Variants in CEP63 observed in about 807,000 individuals in gnomAD.
CEP63 encodes centrosomal protein 63, also known as centrosomal protein of 63 kDa.
In CEP63, 84 loss-of-function variants were observed where a neutral mutation model predicts 89.1. That is an observed-to-expected ratio of 0.94 (90% CI 0.79 to 1.13). The LOEUF is 1.13. Ranked by LOEUF, CEP63 falls within the 50% of genes most tolerant of loss-of-function variation. The pLI is 0.00. For synonymous variants in CEP63, 267 were observed against 272.5 expected (o/e 0.98, Z 0.20); for missense variants, 838 against 813.3 (o/e 1.03, Z -0.37).
chr3:134,527,288 C>T (rs1256875111), intron 3 of CEP63, among the ~76,000 whole-genome samples: 4 of 152,074 alleles, frequency 2.6e-5, no homozygotes, highest in Non-Finnish European at 4.4e-5. Context: ...GGGGGCAGGG[C>T]GCTGGCAGTT....
intron 12 of CEP63, 76 bp downstream of exon 12, chr3:134,552,088 A>C (rs886973978): frequency 1.2e-6 from 1 of 801,808 alleles, no homozygotes; most frequent in African/African-American, 1.7e-5. Context: ...TTACATTATA[A>C]AGAGAGAATT....
At chr3:134,606,234 C>T in the CEP63 span, among the ~76,000 whole-genome samples, 3 of 152,140 alleles carry the variant, frequency 2.0e-5, no homozygotes, top group Admixed American at 2.0e-4. Flanking sequence ...GATTGTGGAG[C>T]ACCACCCAGC....
chr3:134,640,518 A>C, the CEP63 span, among the ~76,000 whole-genome samples: 45 of 152,224 alleles, frequency 3.0e-4, 1 homozygote, highest in African/African-American at 1.1e-3. Context: ...CCTCTGGTCA[A>C]CGCTATTACT....
chr3:134,592,608 C>T (rs892670930), downstream of CEP63, among the ~76,000 whole-genome samples: 1 of 151,076 alleles, frequency 6.6e-6, no homozygotes, highest in Non-Finnish European at 1.5e-5. Context: ...ACCTGTAGGC[C>T]TTTTTTCTTA....
At chr3:134,683,539 A>G in the CEP63 span, among the ~76,000 whole-genome samples, 2 of 152,208 alleles carry the variant, frequency 1.3e-5, no homozygotes, top group African/African-American at 4.8e-5. Flanking sequence ...TGTTATCAAC[A>G]TAAACTCCAT....
At position 134,562,127 on chromosome 3, in the gene CEP63, G is replaced by C. The variant is rs971269482; in HGVS notation, c.*592G>C. 6 of 988,408 alleles carry C rather than the reference G, an allele frequency of 6.1e-6. No homozygotes were observed. The highest frequency in any genetic ancestry group is 7.2e-6 in the Non-Finnish European group (6 of 831,920). The allele number at this position is 988,408 out of a possible 1,614,324, so 61.2% of individuals were successfully genotyped here. On this transcript the variant is annotated 3_prime_UTR_variant, in exon 15 of 15. Coordinates refer to ENST00000675561, the MANE Select transcript of CEP63 (RefSeq NM_001353108.3). The stretch of plus-strand genomic sequence containing the variant: ...TCTTGCTCAACACTCATGCAGAGGA[G>C]AGAGGCAGGGAGGGCAAGGGACTGG...
chr3:134,689,234 C>T, the CEP63 span, among the ~76,000 whole-genome samples: 3 of 151,502 alleles, frequency 2.0e-5, no homozygotes, highest in South Asian at 6.2e-4. Flanking sequence ...TTTTCTGTGC[C>T]ATAGCCAAAA....
At chr3:134,693,563 G>T in the CEP63 span, among the ~76,000 whole-genome samples, 1 of 152,210 alleles carries the variant, frequency 6.6e-6, no homozygotes, top group Non-Finnish European at 1.5e-5. Flanking sequence ...TGGATAGAAA[G>T]ATTCTTTATA....
the CEP63 span, among the ~76,000 whole-genome samples, chr3:134,670,332 A>G: frequency 6.6e-6 from 1 of 152,192 alleles, no homozygotes; most frequent in East Asian, 1.9e-4. Flanking sequence ...ATTTTGTTAA[A>G]AAAAGAGTTG....
intron 5 of CEP63, chr3:134,536,022 A>G (rs961936704): frequency 6.6e-6 from 1 of 152,100 alleles, no homozygotes; most frequent in African/African-American, 2.4e-5. Context: ...TCACCCTTAA[A>G]CACACCAGGA....
At chr3:134,623,720 G>A in the CEP63 span, among the ~76,000 whole-genome samples, 1 of 152,092 alleles carries the variant, frequency 6.6e-6, no homozygotes, top group African/African-American at 2.4e-5. Flanking sequence ...TGCCCCTCTG[G>A]AGGTAAGGTG....
chr3:134,711,140 C>T, the CEP63 span, among the ~76,000 whole-genome samples: 1 of 152,166 alleles, frequency 6.6e-6, no homozygotes, highest in African/African-American at 2.4e-5. Context: ...AATAAATATT[C>T]AGTATTTACG....
the CEP63 span, among the ~76,000 whole-genome samples, chr3:134,672,673 C>T: frequency 6.6e-6 from 1 of 152,332 alleles, no homozygotes; most frequent in South Asian, 2.1e-4. Context: ...CAATCTCTCC[C>T]TTGCCTTCTC....
Position 134,561,922 on chromosome 3 carries a change from C to T in CEP63, c.*387C>T. 2.8e-6 allele frequency: 3 copies of T among 1,055,096 alleles called. No homozygotes were observed. Among genetic ancestry groups the T allele is most frequent in the South Asian group, 3.0e-5 (1 of 33,510 alleles). The allele number at this position is 1,055,096 out of a possible 1,614,324, so 65.4% of individuals were successfully genotyped here. ...TTTCTTTAGGGGAAATGTGTAGAAG[C>T]ATGGATTTAGGGGTCAAACATACCT... On this transcript the variant is annotated 3_prime_UTR_variant, in exon 15 of 15. Transcript: ENST00000675561.
the CEP63 span, among the ~76,000 whole-genome samples, chr3:134,624,782 G>T: frequency 2.0e-5 from 3 of 152,220 alleles, no homozygotes; most frequent in Non-Finnish European, 4.4e-5. Context: ...TGGCCAGAGG[G>T]GCTTGCCAAT....
At chr3:134,688,497 T>C in the CEP63 span, among the ~76,000 whole-genome samples, 1 of 152,234 alleles carries the variant, frequency 6.6e-6, no homozygotes. Context: ...TTGAATTGCC[T>C]GTTTAAAACA....
At chr3:134,703,232 C>A in the CEP63 span, among the ~76,000 whole-genome samples, 1 of 145,324 alleles carries the variant, frequency 6.9e-6, no homozygotes, top group South Asian at 2.2e-4. Flanking sequence ...GAAGGCGAAG[C>A]TTGCACTGAG....
intron 3 of CEP63, among the ~76,000 whole-genome samples, chr3:134,529,868 ATTTTT>A (rs58922185): frequency 1.9e-5 from 2 of 103,156 alleles, no homozygotes; most frequent in African/African-American, 3.9e-5. Flanking sequence ...AGGTTAAGAA[ATTTTT>A]TTTTTTTTTT....
the CEP63 span, among the ~76,000 whole-genome samples, chr3:134,659,545 C>G: frequency 1.3e-5 from 2 of 152,320 alleles, no homozygotes; most frequent in East Asian, 3.9e-4. Context: ...TCCCCTCAAG[C>G]CTAATGTGCT....
Sources: allele counts gnomAD v4.1 joint callset (sites outside exome capture counted in the v4.1 genomes callset), GRCh38; gene constraint gnomAD v4.1.1; transcripts MANE v1.5; gene names NCBI Gene and HGNC (gene_info 2026-07-23, HGNC 2026-07-21).